Variants in CDC42EP4 observed in about 807,000 individuals in gnomAD.
The protein encoded by CDC42EP4 is CDC42 effector protein 4.
In CDC42EP4, 6 loss-of-function variants were observed where a neutral mutation model predicts 5.6. The observed-to-expected ratio is 1.07, with a 90% CI of 0.59 to 2.12. The LOEUF (loss-of-function observed/expected upper bound fraction) is 2.12, where lower values mean the gene tolerates loss of function less well. Ranked by LOEUF, CDC42EP4 falls within the 30% of genes most tolerant of loss-of-function variation. The pLI is 0.00. For synonymous variants in CDC42EP4, 230 were observed against 224.2 expected (o/e 1.03, Z -0.23); for missense variants, 490 against 508.6 (o/e 0.96, Z 0.35).
At chr17:73,303,197 G>A (rs1411376241) in intron 1 of CDC42EP4, among the ~76,000 whole-genome samples, 1 of 151,406 alleles carries the variant, frequency 6.6e-6, no homozygotes. Flanking sequence ...TACAAAATTA[G>A]CTGGGCGTGG....
rs533793605 is a variant in CDC42EP4, at chr17:73,296,999, A to C, written c.-112-10387T>G. On this transcript the variant is annotated intron_variant, in intron 1 of 1. Coordinates refer to ENST00000335793, the MANE Select transcript of CDC42EP4 (RefSeq NM_012121.5). ...CCGTCTCAAAAAAAAAAAAAAAAAA[A>C]AAAAATACACAAGGCCAAGCGCCGT... Among the ~76,000 whole-genome samples the C allele has an allele frequency of 3.3e-3, 285 of 86,916 alleles. 39 individuals carry two copies. Among genetic ancestry groups the C allele is most frequent in the African/African-American group, 5.6e-3 (146 of 26,270 alleles). 57.0% of individuals were successfully genotyped at this position (86,916 alleles called of 152,430 possible).
chr17:73,285,258 G>A lies in CDC42EP4; in HGVS notation c.*172C>T, dbSNP rs908464763. 11 of 518,308 alleles carry A rather than the reference G, an allele frequency of 2.1e-5. No homozygotes were observed. Among genetic ancestry groups the A allele is most frequent in the African/African-American group, 5.7e-5 (3 of 52,358 alleles). 32.1% of individuals were successfully genotyped at this position (518,308 alleles called of 1,614,324 possible). Reference sequence around the variant, plus strand: ...GTCGGCACCCATGCCAGCCCCCTACGTCCTCCGAAGACCCGAGGGCCAGGC... The same window carrying A: ...GTCGGCACCCATGCCAGCCCCCTACATCCTCCGAAGACCCGAGGGCCAGGC... On this transcript the variant is annotated 3_prime_UTR_variant, in exon 2 of 2. Coordinates refer to ENST00000335793, the MANE Select transcript of CDC42EP4 (RefSeq NM_012121.5). This position sits in a 1 kb window ranked among gnomAD's most constrained non-coding sequence, Gnocchi z 6.8.
intron 1 of CDC42EP4, among the ~76,000 whole-genome samples, chr17:73,302,709 A>C (rs2062224843): frequency 6.6e-6 from 1 of 152,154 alleles, no homozygotes; most frequent in Non-Finnish European, 1.5e-5. Flanking sequence ...GAGCCACCAC[A>C]CGTGGCCAGA....
At chr17:73,295,027 G>A (rs1320643418) in intron 1 of CDC42EP4, among the ~76,000 whole-genome samples, 1 of 152,002 alleles carries the variant, frequency 6.6e-6, no homozygotes, top group Non-Finnish European at 1.5e-5. Flanking sequence ...GGCCAAGTTG[G>A]TCTCAAACTC....
chr17:73,311,677 G>A (rs1233919734), intron 1 of CDC42EP4, among the ~76,000 whole-genome samples: 1 of 152,220 alleles, frequency 6.6e-6, no homozygotes, highest in East Asian at 1.9e-4. Context: ...CAGGACACTA[G>A]GTGCGCAGCT....
Position 73,285,723 on chromosome 17 carries a change from G to A in CDC42EP4, c.778C>T (p.Pro260Ser). The A allele has an allele frequency of 6.4e-7, 1 of 1,574,274 alleles. No homozygotes were observed. The highest frequency in any genetic ancestry group is 8.7e-7 in the Non-Finnish European group (1 of 1,154,244). The part of the protein sequence containing the change: ...TQAPPYAVAA[P>S]PLARQEGKAG... ...TTGCCTTCCTGCCTTGCCAGGGGAG[G>A]GGCCGCCACGGCGTACGGGGGAGCC... Residue 260 changes from proline (P) to serine (S), a missense_variant, in exon 2 of 2, where the codon CCT (proline) becomes TCT (serine). Pro to Ser is a moderately conservative substitution (Grantham distance 74). Coordinates refer to ENST00000335793, the MANE Select transcript of CDC42EP4 (RefSeq NM_012121.5). This position sits in a 1 kb window ranked among gnomAD's most constrained non-coding sequence, Gnocchi z 6.8.
chr17:73,288,814 C>G (rs191927743), intron 1 of CDC42EP4, among the ~76,000 whole-genome samples: 1 of 152,162 alleles, frequency 6.6e-6, no homozygotes, highest in Non-Finnish European at 1.5e-5. Context: ...CCAGCAATGT[C>G]CCCCCTCCCA....
intron 1 of CDC42EP4, among the ~76,000 whole-genome samples, chr17:73,293,506 G>A (rs748498250): frequency 6.6e-4 from 101 of 152,158 alleles, no homozygotes; most frequent in Non-Finnish European, 1.1e-3. Flanking sequence ...CCTTTCCCAG[G>A]TTTTGCCTGG....
At position 73,285,627 on chromosome 17, in the gene CDC42EP4, T is replaced by C; in HGVS notation, c.874A>G (p.Ser292Gly). 6.2e-7 allele frequency: 1 copy of C among 1,602,210 alleles called. No individual in the cohort carries two copies. Residue 292 changes from serine (S) to glycine (G), a missense_variant, in exon 2 of 2, where the codon AGC becomes GGC. Ser to Gly is a moderately conservative substitution (Grantham distance 56). Transcript: ENST00000335793. The surrounding 1 kb of genome is among the most constrained non-coding windows in gnomAD (Gnocchi z 6.8). Reference sequence around the variant, plus strand: ...CCCATGCTGCGGGCTGAGCCGGGGCTGGGGGCCGCTGCTGCCCACCCCTCA... The same window carrying C: ...CCCATGCTGCGGGCTGAGCCGGGGCCGGGGGCCGCTGCTGCCCACCCCTCA... ...EDEGWAAAAP[S>G]PGSARSMGSH...
chr17:73,292,149 G>A (rs993805664), intron 1 of CDC42EP4, among the ~76,000 whole-genome samples: 3 of 152,220 alleles, frequency 2.0e-5, no homozygotes, highest in Non-Finnish European at 4.4e-5. Context: ...GCTGCCCTGC[G>A]GTTCACCCCG....
chr17:73,297,145 T>G (rs996382524), intron 1 of CDC42EP4, among the ~76,000 whole-genome samples: 4 of 146,062 alleles, frequency 2.7e-5, no homozygotes, highest in Admixed American at 6.8e-5. Context: ...AATACAAAAA[T>G]TAGCCAGGTG....
At chr17:73,298,345 G>A (rs1342335807) in intron 1 of CDC42EP4, among the ~76,000 whole-genome samples, 2 of 152,134 alleles carry the variant, frequency 1.3e-5, no homozygotes, top group Admixed American at 1.3e-4. Context: ...AACAGAACTC[G>A]CTCTCCAACA....
chr17:73,310,468 G>A (rs902593153), intron 1 of CDC42EP4, among the ~76,000 whole-genome samples: 2 of 151,858 alleles, frequency 1.3e-5, no homozygotes, highest in African/African-American at 4.8e-5. Flanking sequence ...CGCAGCGACG[G>A]GGGCTCCCAA....
At chr17:73,299,195 G>A (rs1418902862) in intron 1 of CDC42EP4, among the ~76,000 whole-genome samples, 1 of 151,964 alleles carries the variant, frequency 6.6e-6, no homozygotes. Context: ...AGGCTGAGGC[G>A]GGCAGATCAC....
chr17:73,288,753 C>T (rs568386129), intron 1 of CDC42EP4, among the ~76,000 whole-genome samples: 76 of 152,284 alleles, frequency 5.0e-4, no homozygotes, highest in African/African-American at 1.5e-3. Context: ...CACCCCCATC[C>T]GCTTCCCTGT....
At position 73,286,366 on chromosome 17, in the gene CDC42EP4, G is replaced by A. The variant is rs142351873; in HGVS notation, c.135C>T (p.Asp45=). The change falls in exon 2 of 2, where the codon GAC becomes GAT. Residue 45 remains aspartate (D), a synonymous_variant. Coordinates refer to ENST00000335793, the MANE Select transcript of CDC42EP4 (RefSeq NM_012121.5). This position sits in a 1 kb window ranked among gnomAD's most constrained non-coding sequence, Gnocchi z 7.7. ...RHTMHVGRAG[D]AFGDTSFLNS... is the part of the protein sequence containing the mutation. ...TGAGGAAGGAGGTGTCCCCAAAGGC[G>A]TCTCCGGCCCGGCCAACGTGCATGG... is the stretch of plus-strand genomic sequence containing the variant. 4.2e-4 allele frequency: 670 copies of A among 1,614,102 alleles called. 7 individuals are homozygous for A. The South Asian group carries it at 4.2e-3, about 10-fold the overall frequency.
chr17:73,309,416 G>A (rs1054086252), intron 1 of CDC42EP4, among the ~76,000 whole-genome samples: 11 of 151,916 alleles, frequency 7.2e-5, no homozygotes, highest in African/African-American at 2.7e-4. Flanking sequence ...CCTCTCCCAG[G>A]TCAACACTCA....
intron 1 of CDC42EP4, among the ~76,000 whole-genome samples, chr17:73,288,290 G>T (rs575590080): frequency 2.0e-5 from 3 of 152,142 alleles, no homozygotes; most frequent in Non-Finnish European, 2.9e-5. Flanking sequence ...CCCCCAGGCC[G>T]GAGTGTAATG....
rs115697949 is a variant in CDC42EP4 at position 73,286,951 on chromosome 17, C to T, written c.-112-339G>A. 0.012 allele frequency: 1,913 copies of T among 164,740 alleles called. 35 individuals are homozygous for T. The highest frequency in any genetic ancestry group is 0.044 in the African/African-American group (1,830 of 41,834). The allele number at this position is 164,740 out of a possible 1,614,324, so 10.2% of individuals were successfully genotyped here. ...GTAAACATGACCACATTTAAGGACGCGAAGGTAAATCCAGCAATTCCAGGC... is the reference window on the plus strand; with the variant it reads ...GTAAACATGACCACATTTAAGGACGTGAAGGTAAATCCAGCAATTCCAGGC... On this transcript the variant is annotated intron_variant, in intron 1 of 1. Transcript: ENST00000335793. This position sits in a 1 kb window ranked among gnomAD's most constrained non-coding sequence, Gnocchi z 7.7.
Sources: gnomAD v4.1 joint callset for allele counts (sites outside exome capture counted in the v4.1 genomes callset) on GRCh38, gnomAD v4.1.1 for gene constraint, Gnocchi (gnomAD v3.1) non-coding constraint, MANE v1.5 for transcripts, NCBI Gene and HGNC (gene_info 2026-07-23, HGNC 2026-07-21) for gene names.